Variants in CSMD1 observed in about 807,000 individuals in gnomAD.
CSMD1 encodes CUB and Sushi multiple domains 1.
Under a neutral mutation model 417.5 loss-of-function variants are expected in CSMD1, and 213 were observed. That is an observed-to-expected ratio of 0.51 (90% CI 0.46 to 0.57). CSMD1 has a LOEUF of 0.57. CSMD1 is among the 20% of genes least tolerant of loss of function. CSMD1 has a pLI of 0.00. For synonymous variants in CSMD1, 2,862 were observed against 1,736.8 expected (o/e 1.65, Z -16.11); for missense variants, 6,923 against 4,529.7 (o/e 1.53, Z -15.17).
At chr8:4,253,148 C>T (rs535011527) in intron 3 of CSMD1, among the ~76,000 whole-genome samples, 18 of 152,254 alleles carry the variant, frequency 1.2e-4, no homozygotes, top group African/African-American at 3.4e-4. Context: ...TTTTCTAAAA[C>T]GATAAACTCA....
intron 3 of CSMD1, among the ~76,000 whole-genome samples, chr8:4,261,922 G>C (rs1463291213): frequency 6.6e-6 from 1 of 152,078 alleles, no homozygotes; most frequent in Non-Finnish European, 1.5e-5. Flanking sequence ...ATAAATAAAT[G>C]CATGAATGAT....
chr8:4,909,162 G>C (rs746316199), intron 1 of CSMD1, among the ~76,000 whole-genome samples: 2 of 152,154 alleles, frequency 1.3e-5, no homozygotes, highest in Non-Finnish European at 2.9e-5. Flanking sequence ...GTCCCTGGCA[G>C]GGCCTTCTGC....
At chr8:2,955,871 T>A (rs1802967334) in intron 63 of CSMD1, 103 bp from the exon 64 acceptor site, 3 of 912,270 alleles carry the variant, frequency 3.3e-6, no homozygotes, top group African/African-American at 3.3e-5. Context: ...GGTTATGCAG[T>A]CAATATGTAT....
intron 51 of CSMD1, among the ~76,000 whole-genome samples, chr8:3,027,079 G>T (rs1338148440): frequency 6.6e-6 from 1 of 152,078 alleles, no homozygotes; most frequent in Non-Finnish European, 1.5e-5. Context: ...GAGAAAAAAA[G>T]ATTGACAAGC....
At chr8:3,407,831 T>C (rs986591993) in intron 14 of CSMD1, 68 bp downstream of exon 14, 1 of 1,381,770 alleles carries the variant, frequency 7.2e-7, no homozygotes, top group East Asian at 2.5e-5. Context: ...TTCACATACA[T>C]ATAAGCAAAA....
chr8:3,692,962 G>C (rs1388003816), intron 7 of CSMD1, among the ~76,000 whole-genome samples: 1 of 152,038 alleles, frequency 6.6e-6, no homozygotes, highest in Non-Finnish European at 1.5e-5. Flanking sequence ...TTTTTTGTGT[G>C]ATTAACTTGG....
intron 3 of CSMD1, among the ~76,000 whole-genome samples, chr8:4,387,918 T>A (rs559212191): frequency 6.6e-6 from 1 of 152,072 alleles, no homozygotes; most frequent in Non-Finnish European, 1.5e-5. Context: ...GAAAAAAATA[T>A]GACTATCGAG....
At chr8:3,751,324 G>GTATA (rs1190157944) in intron 6 of CSMD1, among the ~76,000 whole-genome samples, 17 of 145,308 alleles carry the variant, frequency 1.2e-4, no homozygotes, top group South Asian at 2.2e-4. Flanking sequence ...GTGTGTGTGT[G>GTATA]TGTATATATA....
At chr8:4,616,749 G>T (rs904489017) in intron 2 of CSMD1, among the ~76,000 whole-genome samples, 1 of 152,116 alleles carries the variant, frequency 6.6e-6, no homozygotes, top group African/African-American at 2.4e-5. Flanking sequence ...GTTTTCCAGG[G>T]ATATTGGCAT....
chr8:4,484,057 A>T (rs1286124687), intron 2 of CSMD1, among the ~76,000 whole-genome samples: 3 of 152,146 alleles, frequency 2.0e-5, no homozygotes, highest in African/African-American at 7.2e-5. Context: ...CTGCCAAGCA[A>T]TACCTCAGCA....
chr8:3,698,424 T>G (rs1274991811), intron 7 of CSMD1, among the ~76,000 whole-genome samples: 2 of 152,228 alleles, frequency 1.3e-5, no homozygotes, highest in Non-Finnish European at 1.5e-5. Flanking sequence ...ATTAAGCCTT[T>G]ATACTACTGT....
intron 5 of CSMD1, among the ~76,000 whole-genome samples, chr8:3,992,297 T>C (rs1037389301): frequency 6.6e-6 from 1 of 152,160 alleles, no homozygotes; most frequent in African/African-American, 2.4e-5. Context: ...TTTGCCTACC[T>C]GGAGTACGCA....
intron 1 of CSMD1, among the ~76,000 whole-genome samples, chr8:4,956,055 T>A (rs532104842): frequency 6.6e-6 from 1 of 152,158 alleles, no homozygotes; most frequent in African/African-American, 2.4e-5. Context: ...CTTGCTCCTA[T>A]CCTGGGGTGA....
intron 3 of CSMD1, among the ~76,000 whole-genome samples, chr8:4,241,462 G>A (rs369396644): frequency 6.6e-6 from 1 of 152,130 alleles, no homozygotes; most frequent in Non-Finnish European, 1.5e-5. Flanking sequence ...ATCTCCAACT[G>A]CAGAAGTCGC....
intron 3 of CSMD1, among the ~76,000 whole-genome samples, chr8:4,181,843 A>G (rs1798394027): frequency 6.6e-6 from 1 of 152,228 alleles, no homozygotes; most frequent in Non-Finnish European, 1.5e-5. Context: ...CGTACAAATA[A>G]AATGATAAAT....
chr8:3,919,376 C>T (rs118045775), intron 5 of CSMD1, among the ~76,000 whole-genome samples: 1 of 152,136 alleles, frequency 6.6e-6, no homozygotes, highest in East Asian at 1.9e-4. Context: ...GTCTCAATCT[C>T]ATGTGTTGAA....
At chr8:4,816,054 A>T (rs999903615) in intron 1 of CSMD1, among the ~76,000 whole-genome samples, 1 of 152,342 alleles carries the variant, frequency 6.6e-6, no homozygotes, top group East Asian at 1.9e-4. Context: ...GTGCACAGAT[A>T]AACACAGCAG....
chr8:4,712,374 C>A (rs1041615412), intron 1 of CSMD1, among the ~76,000 whole-genome samples: 1 of 152,158 alleles, frequency 6.6e-6, no homozygotes, highest in South Asian at 2.1e-4. Flanking sequence ...ATGGCACACA[C>A]AGAACTGTCT....
intron 6 of CSMD1, among the ~76,000 whole-genome samples, chr8:3,725,285 C>T (rs1481718): frequency 0.016 from 2,459 of 152,202 alleles, 52 homozygotes; most frequent in African/African-American, 0.044. Flanking sequence ...AGGTCCAGGG[C>T]CATGAAGACC....
Sources: allele counts gnomAD v4.1 joint callset (sites outside exome capture counted in the v4.1 genomes callset), GRCh38; gene constraint gnomAD v4.1.1; transcripts MANE v1.5; gene names NCBI Gene and HGNC (gene_info 2026-07-23, HGNC 2026-07-21).